Variants in ZBTB43 observed in about 807,000 individuals in gnomAD.
ZBTB43 encodes the protein zinc finger and BTB domain-containing protein 43.
Under a neutral mutation model 31.1 loss-of-function variants are expected in ZBTB43, and 6 were observed. That is an observed-to-expected ratio of 0.19 (90% confidence interval 0.11 to 0.38). The LOEUF (loss-of-function observed/expected upper bound fraction) is 0.38, where lower values mean the gene tolerates loss of function less well. Ranked by LOEUF, ZBTB43 falls within the 10% of genes least tolerant of loss-of-function variation. The pLI, the probability that ZBTB43 is intolerant of heterozygous loss-of-function variation, is 1.00. For missense variants in ZBTB43, 379 were observed against 602.1 expected, an observed-to-expected ratio of 0.63 and a Z score of 3.88; for synonymous variants, 212 against 221.7, an observed-to-expected ratio of 0.96 and a Z score of 0.39.
At chr9:126,824,890 A>G (rs745858516) in intron 2 of ZBTB43, among the ~76,000 whole-genome samples, 11 of 152,102 alleles carry the variant, frequency 7.2e-5, no homozygotes, top group Non-Finnish European at 1.5e-4. Context: ...TGGAACTCCC[A>G]TGATATGTAT....
chr9:126,830,619 G>T (rs2032744589), intron 2 of ZBTB43, among the ~76,000 whole-genome samples: 1 of 152,178 alleles, frequency 6.6e-6, no homozygotes, highest in Non-Finnish European at 1.5e-5. Context: ...CTGTACTCCA[G>T]CCTGGGTGAC....
At chr9:126,807,781 G>A (rs112218758) in intron 1 of ZBTB43, among the ~76,000 whole-genome samples, 1,594 of 151,964 alleles carry the variant, frequency 0.01, 27 homozygotes, top group African/African-American at 0.035. Flanking sequence ...GATTACAGGC[G>A]CCTGCCACCA....
At chr9:126,823,523 C>T (rs1392362533) in intron 2 of ZBTB43, among the ~76,000 whole-genome samples, 3 of 152,128 alleles carry the variant, frequency 2.0e-5, no homozygotes, top group Non-Finnish European at 2.9e-5. Context: ...ATGCTCACCT[C>T]GGCAGCACAT....
intron 2 of ZBTB43, among the ~76,000 whole-genome samples, chr9:126,828,654 A>AATAATT (rs1554742744): frequency 3.2e-4 from 41 of 127,724 alleles, no homozygotes; most frequent in Non-Finnish European, 5.0e-4. Flanking sequence ...TAATAATAAT[A>AATAATT]ATTATTATTA....
intron 2 of ZBTB43, among the ~76,000 whole-genome samples, chr9:126,820,549 C>T (rs2032486832): frequency 6.6e-6 from 1 of 152,200 alleles, no homozygotes; most frequent in Non-Finnish European, 1.5e-5. Flanking sequence ...GGCACTTGGT[C>T]ACCCAAGAGC....
chr9:126,832,247 A>T, intron 2 of ZBTB43: 1 of 473,362 alleles, frequency 2.1e-6, no homozygotes, highest in Non-Finnish European at 3.8e-6. Flanking sequence ...CTATGGATTC[A>T]GTTCTCTTAC....
intron 2 of ZBTB43, among the ~76,000 whole-genome samples, chr9:126,830,190 T>C (rs2032734917): frequency 6.6e-6 from 1 of 152,174 alleles, no homozygotes; most frequent in Non-Finnish European, 1.5e-5. Context: ...AAGCCCTACA[T>C]TTGCAGAGTA....
intron 2 of ZBTB43, among the ~76,000 whole-genome samples, chr9:126,818,923 G>A (rs1253649561): frequency 6.6e-6 from 1 of 152,170 alleles, no homozygotes; most frequent in Non-Finnish European, 1.5e-5. Context: ...AGAAAAGTTT[G>A]AGAAGGATTG....
intron 2 of ZBTB43, among the ~76,000 whole-genome samples, chr9:126,829,733 G>C (rs1030741585): frequency 6.6e-6 from 1 of 150,786 alleles, no homozygotes; most frequent in Non-Finnish European, 1.5e-5. Context: ...TTTTTTACAT[G>C]TGCATGTGTT....
At chr9:126,817,259 A>G (rs2032408255) in intron 2 of ZBTB43, among the ~76,000 whole-genome samples, 1 of 150,786 alleles carries the variant, frequency 6.6e-6, no homozygotes, top group African/African-American at 2.4e-5. Context: ...TGTCAGGTGC[A>G]TGCCACCATG....
chr9:126,828,161 C>A (rs1164332677), intron 2 of ZBTB43, among the ~76,000 whole-genome samples: 1 of 152,036 alleles, frequency 6.6e-6, no homozygotes, highest in Non-Finnish European at 1.5e-5. Flanking sequence ...AAAATAAACA[C>A]CCATGTATTA....
intron 1 of ZBTB43, among the ~76,000 whole-genome samples, chr9:126,805,333 G>A (rs2032099047): frequency 6.6e-6 from 1 of 152,218 alleles, no homozygotes; most frequent in Non-Finnish European, 1.5e-5. Context: ...TGCCCACACG[G>A]CGCGCAGACC....
rs36023653 is a variant in ZBTB43 at position 126,820,967 on chromosome 9, C to CAA, written c.-23-11501_-23-11500dup. 0.027 allele frequency among the ~76,000 whole-genome samples: 2,249 copies of CAA among 82,982 alleles called. 265 individuals are homozygous for CAA. In the East Asian group the frequency reaches 0.35, roughly 13 times the overall value. 54.4% of individuals were successfully genotyped at this position (82,982 alleles called of 152,430 possible). On this transcript the variant is annotated intron_variant, in intron 2 of 2. Coordinates refer to ENST00000373464, the MANE Select transcript of ZBTB43 (RefSeq NM_014007.4). ...GGGTGACAAAGTGAGACCCCCATCT[C>CAA]AAAAAAAAAAAAAAAAAAAAGGATA... is the stretch of plus-strand genomic sequence containing the variant.
rs1434213454 is a variant in ZBTB43 at position 126,833,275 on chromosome 9, G to A, written c.766G>A (p.Glu256Lys). 7 of 1,613,494 alleles carry A rather than the reference G, an allele frequency of 4.3e-6. No homozygotes were observed. The highest frequency in any genetic ancestry group is 1.6e-4 in the Middle Eastern group (1 of 6,062). Reference protein sequence around the residue: ...VKPERLEQACEGMDVHATYDE... With the variant: ...VKPERLEQACKGMDVHATYDE... The stretch of plus-strand genomic sequence containing the variant: ...GCCCGAGCGCTTAGAACAGGCTTGC[G>A]AGGGCATGGATGTGCACGCGACCTA... The change falls in exon 3 of 3, where the codon GAG (glutamate) becomes AAG (lysine). Residue 256 changes from glutamate (E) to lysine (K), a missense_variant. By Grantham distance (56) the Glu-to-Lys change is moderately conservative (BLOSUM62 1). Around this residue, in one of 5 missense-constraint regions of ZBTB43, gnomAD observed 253 missense variants for 322.3 expected, o/e 0.79. Transcript: ENST00000373464. The surrounding 1 kb of genome is among the most constrained non-coding windows in gnomAD (Gnocchi z 7.9).
chr9:126,833,191 A>T lies in ZBTB43; in HGVS notation c.682A>T (p.Thr228Ser), dbSNP rs774073992. The change falls in exon 3 of 3, where the codon ACC (threonine) becomes TCC (serine). Residue 228 changes from threonine to serine, a missense_variant. Physicochemically the swap from Thr to Ser is moderately conservative, Grantham distance 58. Coordinates refer to ENST00000373464, the MANE Select transcript of ZBTB43 (RefSeq NM_014007.4). This position sits in a 1 kb window ranked among gnomAD's most constrained non-coding sequence, Gnocchi z 7.9. ...GASDSAEFHY[T>S]RPMYSKPSIM... ...CAGCGACAGCGCCGAGTTCCACTAC[A>T]CCCGGCCCATGTACAGCAAGCCCAG... 1 of 1,613,720 alleles carries T rather than the reference A, an allele frequency of 6.2e-7. No homozygotes were observed.
chr9:126,827,997 A>G (rs982774075), intron 2 of ZBTB43, among the ~76,000 whole-genome samples: 2 of 151,932 alleles, frequency 1.3e-5, no homozygotes, highest in Non-Finnish European at 2.9e-5. Flanking sequence ...AGCCTGGGCA[A>G]CAAGAGTGAA....
At chr9:126,827,865 T>C (rs1254269636) in intron 2 of ZBTB43, among the ~76,000 whole-genome samples, 1 of 151,854 alleles carries the variant, frequency 6.6e-6, no homozygotes, top group Non-Finnish European at 1.5e-5. Flanking sequence ...AATACAAAAT[T>C]AGCCGGGCAT....
chr9:126,835,248 AAAGC>A lies in ZBTB43; in HGVS notation c.*1338_*1341del, dbSNP rs1165323655. ...AAAAAAATTAAAAAAACAAACAAGA[AAAGC>A]AACTATTCTGAGACCTTTTCTGCCC... On this transcript the variant is annotated 3_prime_UTR_variant, in exon 3 of 3. Transcript: ENST00000373464. The A allele has an allele frequency of 1.2e-5, 2 of 167,068 alleles. No homozygotes were observed. Among genetic ancestry groups the A allele is most frequent in the East Asian group, 3.8e-4 (2 of 5,200 alleles). 10.3% of individuals were successfully genotyped at this position (167,068 alleles called of 1,614,324 possible). A position where few individuals can be genotyped will look rare whatever the true frequency, so the allele number is the denominator to read the frequency against.
At chr9:126,804,483 TTTG>T (rs143192446), upstream of ZBTB43, among the ~76,000 whole-genome samples, 3,370 of 151,914 alleles carry the variant, frequency 0.022, 422 homozygotes, top group East Asian at 0.38. Flanking sequence ...TTTTGTTTGT[TTTG>T]TTGTTGTTGT....
Sources: allele counts gnomAD v4.1 joint callset (sites outside exome capture counted in the v4.1 genomes callset), GRCh38; gene constraint gnomAD v4.1.1; regional missense constraint gnomAD v4.1.1; non-coding constraint Gnocchi (gnomAD v3.1); transcripts MANE v1.5; gene names NCBI Gene and HGNC (gene_info 2026-07-23, HGNC 2026-07-21).